PXDNL: variants seen among roughly 807,000 people sequenced by gnomAD.
PXDNL encodes the protein peroxidasin like, also known as probable oxidoreductase PXDNL.
In PXDNL, 145 loss-of-function variants were observed where a neutral mutation model predicts 150.8. That is an observed-to-expected ratio of 0.96 (90% CI 0.84 to 1.10). The LOEUF is 1.10. Ranked by LOEUF, PXDNL falls within the 50% of genes least tolerant of loss-of-function variation. The pLI is 0.00. For missense variants in PXDNL, 2,087 were observed against 1,873.9 expected (o/e 1.11, Z -2.10); for synonymous variants, 757 against 725.7 (o/e 1.04, Z -0.69).
chr8:51,696,718 CACACATCCACACACAGGTCCACACACAT>C (rs1816141788), intron 1 of PXDNL, among the ~76,000 whole-genome samples: 1 of 150,004 alleles, frequency 6.7e-6, no homozygotes. Context: ...CACAGGTTCA[CACACATCCACACACAGGTCCACACACAT>C]ACCCACCCAC....
chr8:51,601,468 T>C lies in PXDNL; in HGVS notation c.237-8770A>G, dbSNP rs1328008468. 2.6e-5 allele frequency among the ~76,000 whole-genome samples: 4 copies of C among 152,098 alleles called. No homozygotes were observed. In the South Asian group the frequency reaches 6.2e-4, roughly 24 times the overall value. On this transcript the variant is annotated intron_variant, in intron 2 of 22. Coordinates refer to ENST00000356297, the MANE Select transcript of PXDNL (RefSeq NM_144651.5). Reference sequence around the variant, plus strand: ...TGTTGAAGTGAACCCTTGGTCATTATGTAATGCCCTTCTTTGTCTTCATTT... The same window carrying C: ...TGTTGAAGTGAACCCTTGGTCATTACGTAATGCCCTTCTTTGTCTTCATTT...
intron 4 of PXDNL, among the ~76,000 whole-genome samples, chr8:51,511,492 G>A (rs189113502): frequency 1.0e-3 from 153 of 152,306 alleles, no homozygotes; most frequent in East Asian, 1.4e-3. Context: ...CTTGGTTGGT[G>A]CTGAGGTCAG....
chr8:51,628,904 G>A (rs1161234959), intron 2 of PXDNL, among the ~76,000 whole-genome samples: 1 of 148,682 alleles, frequency 6.7e-6, no homozygotes, highest in Non-Finnish European at 1.5e-5. Flanking sequence ...TCTTGAAGAG[G>A]GGAAAAAAAC....
chr8:51,423,445 A>G (rs1183929868), intron 14 of PXDNL, 130 bp downstream of exon 14: 19 of 543,516 alleles, frequency 3.5e-5, no homozygotes, highest in Non-Finnish European at 5.5e-5. Context: ...AACAGCTTTG[A>G]CTATAAACAC....
intron 19 of PXDNL, among the ~76,000 whole-genome samples, chr8:51,367,100 CAAAAAAA>C (rs58282258): frequency 3.1e-4 from 17 of 55,246 alleles, no homozygotes; most frequent in African/African-American, 1.1e-3. Context: ...ACTCTTGTCT[CAAAAAAA>C]AAAAAAAAAA....
rs185677117 is a variant in PXDNL at position 51,494,584 on chromosome 8, G to T, written c.452+5115C>A. On this transcript the variant is annotated intron_variant, in intron 5 of 22. Transcript: ENST00000356297. ...GGCTCAAAATAAAGGGATGGAAGAA[G>T]ATCTACCAAGCAAATAGAAAACAAC... Among the ~76,000 whole-genome samples, 221 of 152,176 alleles carry T rather than the reference G, an allele frequency of 1.5e-3. 4 individuals carry two copies. Among genetic ancestry groups the T allele is most frequent in the African/African-American group, 5.1e-3 (210 of 41,534 alleles).
At chr8:51,514,623 T>C (rs2915507) in intron 4 of PXDNL, among the ~76,000 whole-genome samples, 2,097 of 152,272 alleles carry the variant, frequency 0.014, 22 homozygotes, top group South Asian at 0.04. Context: ...AGGCAGAATA[T>C]AAATCAGTTG....
At chr8:51,608,029 G>GAAAGAA (rs1223963859) in intron 2 of PXDNL, among the ~76,000 whole-genome samples, 4 of 111,234 alleles carry the variant, frequency 3.6e-5, no homozygotes, top group Non-Finnish European at 5.5e-5. Flanking sequence ...AAGAAAGAAA[G>GAAAGAA]AAAGAAAGAA....
intron 19 of PXDNL, among the ~76,000 whole-genome samples, chr8:51,368,294 G>A (rs1806980749): frequency 6.6e-6 from 1 of 152,096 alleles, no homozygotes; most frequent in South Asian, 2.1e-4. Context: ...AGAAATCCCA[G>A]CTCCATTATT....
intron 12 of PXDNL, among the ~76,000 whole-genome samples, chr8:51,429,244 G>T (rs1809190276): frequency 1.3e-5 from 2 of 152,106 alleles, no homozygotes; most frequent in Non-Finnish European, 2.9e-5. Context: ...AATGTAAGAT[G>T]GTACAGACAC....
chr8:51,605,050 T>C (rs1457365964), intron 2 of PXDNL, among the ~76,000 whole-genome samples: 1 of 152,228 alleles, frequency 6.6e-6, no homozygotes, highest in African/African-American at 2.4e-5. Flanking sequence ...TTCTAAGTTT[T>C]AGAATTACTC....
chr8:51,355,107 G>A (rs139510985), intron 19 of PXDNL, among the ~76,000 whole-genome samples: 1,688 of 152,202 alleles, frequency 0.011, 31 homozygotes, highest in African/African-American at 0.036. Flanking sequence ...TGAGATCACT[G>A]TTGCAATGTA....
chr8:51,471,836 A>ACCTG (rs1472357203), intron 8 of PXDNL, among the ~76,000 whole-genome samples: 1 of 151,354 alleles, frequency 6.6e-6, no homozygotes, highest in South Asian at 2.1e-4. Flanking sequence ...ACAGGCGCTC[A>ACCTG]CCACCACGCC....
intron 12 of PXDNL, among the ~76,000 whole-genome samples, chr8:51,435,369 T>TTTTG (rs113465440): frequency 0.97 from 146,195 of 151,254 alleles, 70,874 homozygotes; most frequent in Non-Finnish European, 1. Context: ...GTTTGCTTGT[T>TTTTG]TTTGTTTGTT....
chr8:51,439,229 A>G (rs1809482570), intron 12 of PXDNL, among the ~76,000 whole-genome samples: 3 of 152,296 alleles, frequency 2.0e-5, no homozygotes, highest in Admixed American at 2.0e-4. Context: ...AATCAGCAAG[A>G]AAAAAACAAA....
chr8:51,534,325 C>G (rs1407774607), intron 4 of PXDNL, among the ~76,000 whole-genome samples: 3 of 146,890 alleles, frequency 2.0e-5, no homozygotes, highest in Non-Finnish European at 3.0e-5. Context: ...CGTCTACGCC[C>G]GGCAGCCACC....
chr8:51,366,740 G>A (rs1455245428), intron 19 of PXDNL, among the ~76,000 whole-genome samples: 1 of 152,146 alleles, frequency 6.6e-6, no homozygotes, highest in Non-Finnish European at 1.5e-5. Flanking sequence ...GAGCAGCACA[G>A]GTGAAATGCA....
At chr8:51,800,926 A>T (rs1337194191) in intron 1 of PXDNL, among the ~76,000 whole-genome samples, 1 of 152,210 alleles carries the variant, frequency 6.6e-6, no homozygotes, top group Non-Finnish European at 1.5e-5. Flanking sequence ...TTTGAACAAT[A>T]TGAAATCAGT....
intron 2 of PXDNL, among the ~76,000 whole-genome samples, chr8:51,608,001 G>GAAA (rs1401394269): frequency 1.1e-4 from 8 of 74,212 alleles, no homozygotes; most frequent in African/African-American, 4.5e-4. Context: ...GAGGAAGGAA[G>GAAA]GAAGAAAGAA....
Sources: gnomAD v4.1 joint callset for allele counts (sites outside exome capture counted in the v4.1 genomes callset) on GRCh38, gnomAD v4.1.1 for gene constraint, MANE v1.5 for transcripts, NCBI Gene and HGNC (gene_info 2026-07-23, HGNC 2026-07-21) for gene names.